Variants in RNF19B observed in about 807,000 individuals in gnomAD.
RNF19B encodes the protein E3 ubiquitin-protein ligase RNF19B.
Under a neutral mutation model 65.5 loss-of-function variants are expected in RNF19B, and 23 were observed. That is an observed-to-expected ratio of 0.35 (90% CI 0.25 to 0.50). The LOEUF is 0.50. Among genes scored for constraint, RNF19B ranks in the 20% least tolerant of loss-of-function variants. RNF19B has a pLI of 0.98. For missense variants in RNF19B, 794 were observed against 980.0 expected (o/e 0.81, Z 2.53); for synonymous variants, 372 against 379.6 (o/e 0.98, Z 0.23).
chr1:32,955,434 A>G lies in RNF19B; in HGVS notation c.636-5660T>C, dbSNP rs542451255. ...GGTAATCTTCTTCCCGAATAGTTGGAAAAAAAAAACCTCGCCTGGGCATGG... is the reference window on the plus strand; with the variant it reads ...GGTAATCTTCTTCCCGAATAGTTGGGAAAAAAAAACCTCGCCTGGGCATGG... On this transcript the variant is annotated intron_variant, in intron 1 of 8. Coordinates refer to ENST00000235150, the MANE Select transcript of RNF19B (RefSeq NM_001300826.2). Among the ~76,000 whole-genome samples, 189 of 149,580 alleles carry G rather than the reference A, an allele frequency of 1.3e-3. 1 individual carries two copies. Among genetic ancestry groups the G allele is most frequent in the African/African-American group, 4.4e-3 (179 of 40,846 alleles).
At chr1:32,934,875 C>T (rs1391374606), downstream of RNF19B, among the ~76,000 whole-genome samples, 1 of 152,150 alleles carries the variant, frequency 6.6e-6, no homozygotes, top group Non-Finnish European at 1.5e-5. Context: ...CTCTGTCACC[C>T]AGGCTGGAGT....
chr1:32,961,133 A>G (rs1489161831), intron 1 of RNF19B, among the ~76,000 whole-genome samples: 1 of 152,224 alleles, frequency 6.6e-6, no homozygotes, highest in Non-Finnish European at 1.5e-5. Context: ...GAAGATCTCA[A>G]AACACCGTGT....
In RNF19B at chr1:32,964,040, C is replaced by T; in HGVS notation, c.635+11G>A. 1 of 1,468,058 alleles carries T rather than the reference C, an allele frequency of 6.8e-7. No individual in the cohort carries two copies. Among genetic ancestry groups the T allele is most frequent in the Non-Finnish European group, 9.0e-7 (1 of 1,111,744 alleles). 90.9% of individuals were successfully genotyped at this position (1,468,058 alleles called of 1,614,324 possible). ...AGCCCGCCGCCACCCGCGCCACGCC[C>T]CCGCGCTCACCCGCAGTCCGGGGCC... On this transcript the variant is annotated intron_variant, in intron 1 of 8. Transcript: ENST00000235150. The surrounding 1 kb of genome is among the most constrained non-coding windows in gnomAD (Gnocchi z 6.5).
intron 1 of RNF19B, among the ~76,000 whole-genome samples, chr1:32,956,419 G>A (rs144459063): frequency 3.3e-5 from 5 of 151,194 alleles, no homozygotes; most frequent in South Asian, 2.1e-4. Context: ...GTGGTGGGGC[G>A]CGGTGGCGTG....
chr1:32,936,535 T>TTAG lies in RNF19B; in HGVS notation c.*270_*271insCTA. 1 of 375,046 alleles carries TTAG rather than the reference T, an allele frequency of 2.7e-6. No homozygotes were observed. The highest frequency in any genetic ancestry group is 4.8e-6 in the Non-Finnish European group (1 of 207,034). 23.2% of individuals were successfully genotyped at this position (375,046 alleles called of 1,614,324 possible). On this transcript the variant is annotated 3_prime_UTR_variant, in exon 9 of 9. Transcript: ENST00000235150. ...ATACACACATACATATGTACACTCT[T>TTAG]TGACACACCTCATGGATTGCTGCCA...
rs1468278573 is a variant in RNF19B at position 32,946,434 on chromosome 1, C to T, written c.1114G>A (p.Val372Ile). Reference protein sequence around the residue: ...LIAGIAIPAMVIGIPVYVGRK... With the variant: ...LIAGIAIPAMIIGIPVYVGRK... ...CCAACATAAACAGGAATGCCAATGA[C>T]CATGGCAGGAATGGCAATGCCAGCA... Residue 372 changes from valine to isoleucine, a missense_variant, in exon 4 of 9, where the codon GTC becomes ATC. By Grantham distance (29) the Val-to-Ile change is conservative. Transcript: ENST00000235150. 6.2e-7 allele frequency: 1 copy of T among 1,614,046 alleles called. No individual in the cohort carries two copies. Among genetic ancestry groups the T allele is most frequent in the East Asian group, 2.2e-5 (1 of 44,872 alleles).
chr1:32,935,823 T>C, downstream of RNF19B, among the ~76,000 whole-genome samples: 1 of 152,062 alleles, frequency 6.6e-6, no homozygotes, highest in Non-Finnish European at 1.5e-5. Flanking sequence ...GTCGGCTCCC[T>C]GCAACCTCTG....
chr1:32,963,704 C>A (rs1365486969), intron 1 of RNF19B, among the ~76,000 whole-genome samples: 1 of 146,514 alleles, frequency 6.8e-6, no homozygotes, highest in African/African-American at 2.5e-5. Flanking sequence ...GGCGGCAGGG[C>A]GAGACTCCGT....
chr1:32,933,261 T>A (rs920200889), downstream of RNF19B, among the ~76,000 whole-genome samples: 177 of 145,094 alleles, frequency 1.2e-3, no homozygotes, highest in Middle Eastern at 3.6e-3. Flanking sequence ...ATTATTATTT[T>A]TTTTTTTTTG....
chr1:32,963,276 G>A (rs1015445739), intron 1 of RNF19B, among the ~76,000 whole-genome samples: 1 of 152,150 alleles, frequency 6.6e-6, no homozygotes, highest in Admixed American at 6.5e-5. Context: ...AACTTTCAGC[G>A]GTGGTTGTCA....
intron 3 of RNF19B, among the ~76,000 whole-genome samples, chr1:32,947,450 C>T (rs372001915): frequency 3.3e-5 from 5 of 152,196 alleles, no homozygotes; most frequent in African/African-American, 1.2e-4. Flanking sequence ...ACCTGAGGTT[C>T]GAGTTCGAGA....
At position 32,945,580 on chromosome 1, in the gene RNF19B, A is replaced by C; in HGVS notation, c.1195T>G (p.Leu399Val). The stretch of plus-strand genomic sequence containing the variant: ...AAAGTCACTCCTCCAGTGATAGCCA[A>C]ATTCCTCTTGTGTTTGGAGGTTTTC... ...GRKTSKHKRN[L>V]AITGGVTLSV... The change falls in exon 5 of 9, where the codon TTG (leucine) becomes GTG (valine). Residue 399 changes from leucine to valine, a missense_variant. Leu to Val is a conservative substitution (Grantham distance 32). Coordinates refer to ENST00000235150, the MANE Select transcript of RNF19B (RefSeq NM_001300826.2). 1 of 1,614,006 alleles carries C rather than the reference A, an allele frequency of 6.2e-7. No homozygotes were observed. The highest frequency in any genetic ancestry group is 8.5e-7 in the Non-Finnish European group (1 of 1,179,866).
the RNF19B span, among the ~76,000 whole-genome samples, chr1:32,929,688 C>G: frequency 1.1e-4 from 16 of 152,180 alleles, no homozygotes; most frequent in African/African-American, 3.6e-4. Context: ...TTTTCAAGGG[C>G]TTCAGCTCTG....
intron 3 of RNF19B, among the ~76,000 whole-genome samples, chr1:32,947,554 G>A (rs1642394365): frequency 6.6e-6 from 1 of 151,962 alleles, no homozygotes; most frequent in Non-Finnish European, 1.5e-5. Context: ...AGCTACTTAG[G>A]AGGCTGAGGC....
At chr1:32,951,411 C>T (rs966849575) in intron 1 of RNF19B, among the ~76,000 whole-genome samples, 5 of 151,336 alleles carry the variant, frequency 3.3e-5, no homozygotes, top group African/African-American at 1.2e-4. Flanking sequence ...TGCATTTGCA[C>T]TCTTTGCACT....
intron 2 of RNF19B, among the ~76,000 whole-genome samples, chr1:32,948,855 T>C (rs1642426316): frequency 6.6e-6 from 1 of 152,182 alleles, no homozygotes; most frequent in African/African-American, 2.4e-5. Context: ...TACTTTCAAA[T>C]TCAAAACCTA....
intron 1 of RNF19B, among the ~76,000 whole-genome samples, chr1:32,952,308 T>C (rs751940912): frequency 5.3e-5 from 8 of 151,670 alleles, no homozygotes; most frequent in Non-Finnish European, 1.0e-4. Context: ...TAAAATAACA[T>C]TTTAGCCAGG....
chr1:32,953,901 CTTTTTTTT>C (rs1180002582), intron 1 of RNF19B, among the ~76,000 whole-genome samples: 7 of 84,212 alleles, frequency 8.3e-5, no homozygotes, highest in African/African-American at 1.4e-4. Flanking sequence ...GCCCCCACTT[CTTTTTTTT>C]TTTTTTTTTT....
intron 1 of RNF19B, among the ~76,000 whole-genome samples, chr1:32,958,416 T>A (rs1258693373): frequency 2.0e-5 from 3 of 152,126 alleles, no homozygotes; most frequent in African/African-American, 7.2e-5. Context: ...GAAAATAAAA[T>A]CAAAAGATGG....
Sources: gnomAD v4.1 joint callset for allele counts (sites outside exome capture counted in the v4.1 genomes callset) on GRCh38, gnomAD v4.1.1 for gene constraint, Gnocchi (gnomAD v3.1) non-coding constraint, MANE v1.5 for transcripts, NCBI Gene and HGNC (gene_info 2026-07-23, HGNC 2026-07-21) for gene names.